Variants in UTRN observed in about 807,000 individuals in gnomAD.
UTRN encodes dystrophin-related protein 1.
Under a neutral mutation model 463.9 loss-of-function variants are expected in UTRN, and 283 were observed. The ratio of observed to expected loss-of-function variants is 0.61; its 90% confidence interval spans 0.55 to 0.67. The LOEUF (loss-of-function observed/expected upper bound fraction) is 0.67. Among genes scored for constraint, UTRN ranks in the 30% least tolerant of loss-of-function variants. The pLI is 0.00. For synonymous variants in UTRN, 1,442 were observed against 1,431.5 expected (o/e 1.01, Z -0.17); for missense variants, 3,922 against 4,084.3 (o/e 0.96, Z 1.08).
intron 13 of UTRN, among the ~76,000 whole-genome samples, chr6:144,443,741 C>T (rs1367417703): frequency 2.0e-5 from 3 of 151,802 alleles, no homozygotes; most frequent in Non-Finnish European, 2.9e-5. Flanking sequence ...ATAATGTAAA[C>T]AGAACAAATC....
intron 2 of UTRN, among the ~76,000 whole-genome samples, chr6:144,339,430 A>G (rs1776969071): frequency 1.3e-5 from 2 of 152,252 alleles, no homozygotes; most frequent in East Asian, 1.9e-4. Flanking sequence ...AAAAAGACCT[A>G]TAGATTAGTT....
At chr6:144,459,598 A>ATT (rs890055665) in intron 21 of UTRN, among the ~76,000 whole-genome samples, 1 of 148,102 alleles carries the variant, frequency 6.8e-6, no homozygotes. Flanking sequence ...TATAATAATA[A>ATT]TTTTTTTTTT....
chr6:144,845,258 C>T (rs1324848848), intron 73 of UTRN, among the ~76,000 whole-genome samples: 2 of 152,238 alleles, frequency 1.3e-5, no homozygotes, highest in Non-Finnish European at 2.9e-5. Context: ...AAAATTCCCA[C>T]TGACTGCAGT....
chr6:144,306,308 G>C (rs1679306547), intron 2 of UTRN, among the ~76,000 whole-genome samples: 1 of 152,088 alleles, frequency 6.6e-6, no homozygotes, highest in Non-Finnish European at 1.5e-5. Flanking sequence ...GCTGGATGAG[G>C]CAAGCCTGGG....
chr6:144,756,376 A>G (rs1791985619), intron 57 of UTRN, among the ~76,000 whole-genome samples: 1 of 152,200 alleles, frequency 6.6e-6, no homozygotes, highest in Admixed American at 6.6e-5. Context: ...AATATTGTGA[A>G]ATTTATACAC....
intron 51 of UTRN, among the ~76,000 whole-genome samples, chr6:144,671,376 A>AAC (rs1781009449): frequency 1.3e-5 from 2 of 151,866 alleles, no homozygotes; most frequent in African/African-American, 4.8e-5. Flanking sequence ...GTATAATCCT[A>AAC]AGTATTTTAT....
intron 51 of UTRN, among the ~76,000 whole-genome samples, chr6:144,617,223 C>T (rs888922384): frequency 1.3e-5 from 2 of 152,118 alleles, no homozygotes; most frequent in Non-Finnish European, 2.9e-5. Flanking sequence ...TTATATCCAC[C>T]ATACCATCAC....
At position 144,579,039 on chromosome 6, in the gene UTRN, A is replaced by G. The variant is rs376720750; in HGVS notation, c.7479+1751A>G. On this transcript the variant is annotated intron_variant, in intron 51 of 74. Transcript: ENST00000367545. ...GCTTATTTATAAATTGTCCCTGTGC[A>G]TGAAAACTCATGGTGTTTTACTGTT... 2.1e-4 allele frequency among the ~76,000 whole-genome samples: 32 copies of G among 152,358 alleles called. No homozygotes were observed. The South Asian group carries it at 6.0e-3, about 29-fold the overall frequency.
At chr6:144,753,729 T>C (rs1586392212) in intron 56 of UTRN, among the ~76,000 whole-genome samples, 1 of 148,086 alleles carries the variant, frequency 6.8e-6, no homozygotes, top group South Asian at 2.1e-4. Context: ...TAACCCGGCA[T>C]GATTGCACAT....
intron 51 of UTRN, among the ~76,000 whole-genome samples, chr6:144,609,187 G>A (rs921491622): frequency 1.3e-5 from 2 of 152,190 alleles, no homozygotes; most frequent in African/African-American, 4.8e-5. Flanking sequence ...CTAATCACAT[G>A]TTGCCTAGTA....
intron 57 of UTRN, among the ~76,000 whole-genome samples, chr6:144,755,801 A>G (rs564051830): frequency 1.8e-4 from 27 of 152,292 alleles, no homozygotes; most frequent in African/African-American, 5.5e-4. Flanking sequence ...AAAAAGTACT[A>G]TATCTTCTAA....
At chr6:144,533,436 G>A (rs1440132201) in intron 43 of UTRN, among the ~76,000 whole-genome samples, 176 bp downstream of exon 43, 2 of 152,114 alleles carry the variant, frequency 1.3e-5, no homozygotes, top group Non-Finnish European at 2.9e-5. Context: ...TGTCCATAAA[G>A]TCTCACTTTT....
At chr6:144,400,072 G>A (rs60953385) in intron 2 of UTRN, among the ~76,000 whole-genome samples, 1,552 of 152,174 alleles carry the variant, frequency 0.01, 31 homozygotes, top group African/African-American at 0.036. Flanking sequence ...ATGGAGAAAG[G>A]TCATTAATGG....
chr6:144,554,903 A>G lies in UTRN; in HGVS notation c.7134+10A>G, dbSNP rs770456878. The G allele has an allele frequency of 6.2e-7, 1 of 1,613,530 alleles. No homozygotes were observed. Among genetic ancestry groups the G allele is most frequent in the Non-Finnish European group, 8.5e-7 (1 of 1,179,748 alleles). On this transcript the variant is annotated intron_variant, in intron 49 of 74. Coordinates refer to ENST00000367545, the MANE Select transcript of UTRN (RefSeq NM_007124.3). ...AATTTCTGATAACCAAGTAAGACTC[A>G]TCAGATATTTTTTGGCAGTATTGTT...
In UTRN at chr6:144,807,312, G is replaced by C. The variant is rs192177773; in HGVS notation, c.9357+4165G>C. ...ATATCTGCTTATGATTTATGGTAAT[G>C]TTTTCCTTTAGCTGTAAGAAGACTA... On this transcript the variant is annotated intron_variant, in intron 65 of 74. Coordinates refer to ENST00000367545, the MANE Select transcript of UTRN (RefSeq NM_007124.3). Among the ~76,000 whole-genome samples, 374 of 152,116 alleles carry C rather than the reference G, an allele frequency of 2.5e-3. 1 individual carries two copies. In the Middle Eastern group the frequency reaches 0.034, roughly 14 times the overall value.
intron 53 of UTRN, among the ~76,000 whole-genome samples, chr6:144,700,889 A>G (rs1586098730): frequency 7.0e-6 from 1 of 142,666 alleles, no homozygotes; most frequent in South Asian, 2.2e-4. Context: ...ACCTGCAACC[A>G]CCCCCAGCTA....
chr6:144,842,598 C>T (rs778825484), intron 73 of UTRN, among the ~76,000 whole-genome samples: 2 of 152,000 alleles, frequency 1.3e-5, no homozygotes, highest in Non-Finnish European at 2.9e-5. Flanking sequence ...ACAACAACAA[C>T]AACAAAATAA....
intron 51 of UTRN, among the ~76,000 whole-genome samples, chr6:144,586,349 G>T (rs1441991928): frequency 2.0e-5 from 3 of 151,986 alleles, no homozygotes; most frequent in Non-Finnish European, 4.4e-5. Context: ...ATTTGAGCAG[G>T]AAGCAAAAAC....
Position 144,467,624 on chromosome 6 carries a change from G to A in UTRN, c.3066+4758G>A, listed in dbSNP as rs780627382. ...TCTGACCCGGAATCTGGAGGGGGGC[G>A]TGCTGGAGCTCCAACAGGCAGAACC... On this transcript the variant is annotated intron_variant, in intron 23 of 74. Transcript: ENST00000367545. Among the ~76,000 whole-genome samples, 6 of 152,248 alleles carry A rather than the reference G, an allele frequency of 3.9e-5. No individual in the cohort carries two copies. The South Asian group carries it at 8.3e-4, about 21-fold the overall frequency.
Sources: allele counts gnomAD v4.1 joint callset (sites outside exome capture counted in the v4.1 genomes callset), GRCh38; gene constraint gnomAD v4.1.1; transcripts MANE v1.5; gene names NCBI Gene and HGNC (gene_info 2026-07-23, HGNC 2026-07-21).